Variants in RLF observed in about 807,000 individuals in gnomAD.
RLF encodes zinc finger protein Rlf.
RLF carries 7 observed loss-of-function variants against 162.9 expected under a neutral mutation model. The observed-to-expected ratio is 0.04, with a 90% CI of 0.02 to 0.08. The LOEUF is 0.08. RLF is among the 10% of genes least tolerant of loss of function. The probability of loss-of-function intolerance (pLI) is 1.00; values close to 1 mark genes in which losing one functional copy is unlikely to be tolerated. For synonymous variants in RLF, 782 were observed against 791.5 expected, an observed-to-expected ratio of 0.99 and a Z score of 0.20; for missense variants, 1,664 against 2,244.7, an observed-to-expected ratio of 0.74 and a Z score of 5.23.
chr1:40,226,325 A>AT (rs1643075209), intron 6 of RLF, among the ~76,000 whole-genome samples: 1 of 152,170 alleles, frequency 6.6e-6, no homozygotes. Context: ...AAAGGTGACC[A>AT]TTTTGAGTGA....
chr1:40,225,553 T>TG lies in RLF; in HGVS notation c.947+2846dup, dbSNP rs1212914027. On this transcript the variant is annotated intron_variant, in intron 6 of 7. Transcript: ENST00000372771. ...GAGATCGTGCCACTGCACTGCAGCC[T>TG]GGGTGACAGAGCAAGACTCTGTCTC... Among the ~76,000 whole-genome samples, 12 of 128,104 alleles carry TG rather than the reference T, an allele frequency of 9.4e-5. No homozygotes were observed. The South Asian group carries it at 2.9e-3, about 31-fold the overall frequency. The allele number at this position is 128,104 out of a possible 152,430, so 84.0% of individuals were successfully genotyped here.
chr1:40,204,034 CTTT>C (rs60379541), intron 5 of RLF, among the ~76,000 whole-genome samples: 7 of 135,146 alleles, frequency 5.2e-5, no homozygotes, highest in Admixed American at 7.5e-5. Flanking sequence ...GGTCCTCTCT[CTTT>C]TTTTTTTTTT....
chr1:40,181,065 T>C (rs1291192925), intron 1 of RLF, among the ~76,000 whole-genome samples: 2 of 152,226 alleles, frequency 1.3e-5, no homozygotes, highest in Non-Finnish European at 2.9e-5. Context: ...TTTATGTATA[T>C]GGTGTAAGGT....
chr1:40,169,475 G>A (rs1179088240), intron 1 of RLF, among the ~76,000 whole-genome samples: 1 of 150,902 alleles, frequency 6.6e-6, no homozygotes, highest in African/African-American at 2.4e-5. Flanking sequence ...AATTAGCCGG[G>A]CGCGGTGGCG....
intron 1 of RLF, among the ~76,000 whole-genome samples, chr1:40,181,024 A>C (rs1642399058): frequency 6.6e-6 from 1 of 152,204 alleles, no homozygotes; most frequent in Admixed American, 6.5e-5. Flanking sequence ...TTTAGTTCAT[A>C]TGTTTAGATC....
At position 40,202,669 on chromosome 1, in the gene RLF, A is replaced by G. The variant is rs964798893; in HGVS notation, c.810+55A>G. ...TGGTATTAATTTAATAGATTTATAT[A>G]TATATTGCATGGTTTATTTTTTCCC... On this transcript the variant is annotated intron_variant, in intron 5 of 7. Transcript: ENST00000372771. 15 of 1,012,184 alleles carry G rather than the reference A, an allele frequency of 1.5e-5. No homozygotes were observed. The South Asian group carries it at 1.6e-4, about 11-fold the overall frequency. The allele number at this position is 1,012,184 out of a possible 1,614,324, so 62.7% of individuals were successfully genotyped here.
chr1:40,232,148 T>C (rs61778554), intron 7 of RLF, among the ~76,000 whole-genome samples: 7,888 of 150,528 alleles, frequency 0.052, 596 homozygotes, highest in African/African-American at 0.17. Context: ...GCGGAGGTTG[T>C]GGTGAGCCAA....
chr1:40,177,075 C>T (rs1483787640), intron 1 of RLF, among the ~76,000 whole-genome samples: 1 of 151,852 alleles, frequency 6.6e-6, no homozygotes, highest in Non-Finnish European at 1.5e-5. Flanking sequence ...GCAACCTCCG[C>T]CTCACAGGTT....
At position 40,161,390 on chromosome 1, in the gene RLF, C is replaced by A; in HGVS notation, c.-10C>A. On this transcript the variant is annotated 5_prime_UTR_variant, in exon 1 of 8. Transcript: ENST00000372771. This position sits in a 1 kb window ranked among gnomAD's most constrained non-coding sequence, Gnocchi z 4.4. ...GCTTGGTTGCCTACGCGCTGGTGGG[C>A]CGTGGGAAGATGGCGGACGGAAAGG... The A allele has an allele frequency of 6.6e-7, 1 of 1,523,880 alleles. No homozygotes were observed. The highest frequency in any genetic ancestry group is 8.7e-7 in the Non-Finnish European group (1 of 1,143,644). The allele number at this position is 1,523,880 out of a possible 1,614,324, so 94.4% of individuals were successfully genotyped here.
At chr1:40,220,998 G>A (rs1025613207) in intron 5 of RLF, among the ~76,000 whole-genome samples, 10 of 151,278 alleles carry the variant, frequency 6.6e-5, no homozygotes, top group Admixed American at 6.6e-4. Context: ...AAGGTGTGGT[G>A]GTACACACCT....
intron 1 of RLF, among the ~76,000 whole-genome samples, chr1:40,171,956 A>T (rs1642251301): frequency 6.6e-6 from 1 of 152,184 alleles, no homozygotes. Flanking sequence ...TATGATGTGT[A>T]CATATATATG....
At chr1:40,184,102 T>C (rs952209055) in intron 1 of RLF, among the ~76,000 whole-genome samples, 2 of 152,164 alleles carry the variant, frequency 1.3e-5, no homozygotes, top group African/African-American at 4.8e-5. Context: ...AGATTTTTTT[T>C]GCTTTGAAAA....
chr1:40,205,478 C>T (rs1363917194), intron 5 of RLF, among the ~76,000 whole-genome samples: 5 of 145,582 alleles, frequency 3.4e-5, no homozygotes, highest in Non-Finnish European at 5.9e-5. Context: ...GAACATTTTC[C>T]TTCCTTCTTT....
chr1:40,191,946 A>G (rs1245276111), intron 3 of RLF, among the ~76,000 whole-genome samples: 2 of 152,230 alleles, frequency 1.3e-5, no homozygotes, highest in Non-Finnish European at 2.9e-5. Flanking sequence ...CCCTGAGCTT[A>G]CTTTGCTAAC....
chr1:40,194,447 A>G (rs921602173), intron 3 of RLF, among the ~76,000 whole-genome samples: 8 of 152,022 alleles, frequency 5.3e-5, no homozygotes, highest in African/African-American at 1.4e-4. Flanking sequence ...GAGACCAGCC[A>G]GGACCAACGT....
chr1:40,240,224 C>G lies in RLF; in HGVS notation c.5522C>G (p.Thr1841Ser), dbSNP rs200835925. ...GACTCTACAATTCATGAGAACCTGA[C>G]TGCAATCCCACCTTTAATAGTAGCT... is the stretch of plus-strand genomic sequence containing the variant. ...SSDSTIHENL[T>S]AIPPLIVAET... The change falls in exon 8 of 8, where the codon ACT becomes AGT. Residue 1841 changes from threonine (T) to serine (S), a missense_variant. Physicochemically the swap from Thr to Ser is moderately conservative, Grantham distance 58. Coordinates refer to ENST00000372771, the MANE Select transcript of RLF (RefSeq NM_012421.4). The G allele has an allele frequency of 2.1e-4, 337 of 1,614,164 alleles. No individual in the cohort carries two copies. Among genetic ancestry groups the G allele is most frequent in the Middle Eastern group, 1.6e-3 (10 of 6,062 alleles).
At chr1:40,188,148 G>A (rs1018768140) in intron 1 of RLF, among the ~76,000 whole-genome samples, 3 of 152,110 alleles carry the variant, frequency 2.0e-5, no homozygotes, top group Non-Finnish European at 4.4e-5. Flanking sequence ...TTGTCAGAAG[G>A]AAGATATATA....
chr1:40,217,503 G>T (rs1370455930), intron 5 of RLF, among the ~76,000 whole-genome samples: 1 of 151,918 alleles, frequency 6.6e-6, no homozygotes, highest in East Asian at 1.9e-4. Flanking sequence ...CGGGTGCAGT[G>T]GCTCACTCCA....
chr1:40,207,646 T>C (rs1363724110), intron 5 of RLF, among the ~76,000 whole-genome samples: 2 of 152,200 alleles, frequency 1.3e-5, no homozygotes, highest in Non-Finnish European at 2.9e-5. Flanking sequence ...ACAGAGTCTC[T>C]GTCGCCCAGC....
Sources: allele counts gnomAD v4.1 joint callset (sites outside exome capture counted in the v4.1 genomes callset), GRCh38; gene constraint gnomAD v4.1.1; non-coding constraint Gnocchi (gnomAD v3.1); transcripts MANE v1.5; gene names NCBI Gene and HGNC (gene_info 2026-07-23, HGNC 2026-07-21).